SEPTIN9: variants seen among roughly 807,000 people sequenced by gnomAD.
SEPTIN9 encodes septin-9.
Under a neutral mutation model 56.6 loss-of-function variants are expected in SEPTIN9, and 13 were observed. The ratio of observed to expected loss-of-function variants is 0.23; its 90% CI spans 0.15 to 0.37. The LOEUF (loss-of-function observed/expected upper bound fraction) is 0.37. SEPTIN9 is among the 10% of genes least tolerant of loss of function. The probability of loss-of-function intolerance (pLI) is 1.00; values close to 1 mark genes in which losing one functional copy is unlikely to be tolerated. For missense variants in SEPTIN9, 650 were observed against 823.1 expected, an observed-to-expected ratio of 0.79 and a Z score of 2.57; for synonymous variants, 332 against 334.1, an observed-to-expected ratio of 0.99 and a Z score of 0.07.
intron 2 of SEPTIN9, among the ~76,000 whole-genome samples, chr17:77,384,092 G>C (rs103550): frequency 0.68 from 103,459 of 152,088 alleles, 35,284 homozygotes; most frequent in African/African-American, 0.72. Flanking sequence ...GAGGAAGGCG[G>C]CGGCTGCCCT....
Position 77,435,951 on chromosome 17 carries a change from A to T in SEPTIN9, c.721+33248A>T, listed in dbSNP as rs1173923672. Reference sequence around the variant, plus strand: ...AAAACCTTACACCGTTTAGGGCTTGAGGCAGGGCTAGAGCATGGAGACGTT... The same window carrying T: ...AAAACCTTACACCGTTTAGGGCTTGTGGCAGGGCTAGAGCATGGAGACGTT... On this transcript the variant is annotated intron_variant, in intron 3 of 11. Transcript: ENST00000427177. This position sits in a 1 kb window ranked among gnomAD's most constrained non-coding sequence, Gnocchi z 4.5. 6.6e-6 allele frequency among the ~76,000 whole-genome samples: 1 copy of T among 152,234 alleles called. No homozygotes were observed. The highest frequency in any genetic ancestry group is 1.5e-5 in the Non-Finnish European group (1 of 68,048).
intron 3 of SEPTIN9, among the ~76,000 whole-genome samples, chr17:77,480,705 C>T (rs927135283): frequency 5.3e-5 from 8 of 152,210 alleles, no homozygotes; most frequent in East Asian, 1.9e-4. Context: ...GGGTGCCCAC[C>T]GGTCCCAGGG....
chr17:77,309,094 C>T (rs559236359), intron 2 of SEPTIN9, among the ~76,000 whole-genome samples: 50 of 152,360 alleles, frequency 3.3e-4, no homozygotes, highest in African/African-American at 1.2e-3. Flanking sequence ...CATCTCCTTC[C>T]CTCTCATTGG....
intron 2 of SEPTIN9, among the ~76,000 whole-genome samples, chr17:77,381,751 G>A (rs746388496): frequency 2.0e-5 from 3 of 152,218 alleles, no homozygotes; most frequent in Non-Finnish European, 2.9e-5. Context: ...GGATCCACTC[G>A]AGGAGCATTA....
rs370657539 is a variant in SEPTIN9 at position 77,355,937 on chromosome 17, G to A, written c.77-46122G>A. Reference sequence around the variant, plus strand: ...GCGGAGCTTGCAGTGAGCCGAGATCGCGTCACTGCACTCCAGCCTGGGCGA... The same window carrying A: ...GCGGAGCTTGCAGTGAGCCGAGATCACGTCACTGCACTCCAGCCTGGGCGA... On this transcript the variant is annotated intron_variant, in intron 2 of 11. Coordinates refer to ENST00000427177, the MANE Select transcript of SEPTIN9 (RefSeq NM_001113491.2). Among the ~76,000 whole-genome samples, 661 of 139,368 alleles carry A rather than the reference G, an allele frequency of 4.7e-3. 3 individuals carry two copies. The highest frequency in any genetic ancestry group is 0.016 in the African/African-American group (610 of 37,396). 91.4% of individuals were successfully genotyped at this position (139,368 alleles called of 152,430 possible). A position where few individuals can be genotyped will look rare whatever the true frequency, so the allele number is the denominator to read the frequency against.
chr17:77,458,897 A>C (rs1348062399), intron 3 of SEPTIN9, among the ~76,000 whole-genome samples: 3 of 152,226 alleles, frequency 2.0e-5, no homozygotes, highest in Admixed American at 1.3e-4. Flanking sequence ...ACCAGAGCTC[A>C]GGGAGGAGGT....
At chr17:77,428,240 C>T (rs1317173377) in intron 3 of SEPTIN9, among the ~76,000 whole-genome samples, 1 of 152,224 alleles carries the variant, frequency 6.6e-6, no homozygotes, top group East Asian at 1.9e-4. Flanking sequence ...ACTGGCCCTG[C>T]CTTGGACAGA....
chr17:77,320,221 G>A (rs1250821849), intron 2 of SEPTIN9: 1 of 1,609,396 alleles, frequency 6.2e-7, no homozygotes, highest in African/African-American at 1.3e-5. Context: ...AGGAGGAGGA[G>A]GAGGAGGAGG....
chr17:77,308,825 T>C (rs752053802), intron 2 of SEPTIN9, among the ~76,000 whole-genome samples: 5 of 152,138 alleles, frequency 3.3e-5, no homozygotes, highest in African/African-American at 4.8e-5. Context: ...GGGTGGCTTT[T>C]TACAGGGAGT....
chr17:77,375,425 G>A (rs2034885698), intron 2 of SEPTIN9: 1 of 152,262 alleles, frequency 6.6e-6, no homozygotes, highest in Non-Finnish European at 1.5e-5. Context: ...TGGCGGGAGG[G>A]GAGGCCAGGG....
At chr17:77,381,848 T>C (rs921950567) in intron 2 of SEPTIN9, among the ~76,000 whole-genome samples, 1 of 152,052 alleles carries the variant, frequency 6.6e-6, no homozygotes, top group Non-Finnish European at 1.5e-5. Flanking sequence ...CATCCATGGG[T>C]ACCCCAAGGG....
intron 2 of SEPTIN9, among the ~76,000 whole-genome samples, chr17:77,337,371 C>T (rs1050795745): frequency 6.6e-6 from 1 of 152,038 alleles, no homozygotes. Flanking sequence ...TATGAGATAT[C>T]ATCCTTTTTA....
intron 3 of SEPTIN9, among the ~76,000 whole-genome samples, chr17:77,474,821 A>G (rs920607513): frequency 5.9e-5 from 9 of 152,096 alleles, no homozygotes; most frequent in South Asian, 2.1e-4. Flanking sequence ...TGGCTACCTT[A>G]TAGGATTGTG....
intron 3 of SEPTIN9, among the ~76,000 whole-genome samples, chr17:77,461,519 G>A (rs1406952947): frequency 6.6e-6 from 1 of 152,192 alleles, no homozygotes; most frequent in Non-Finnish European, 1.5e-5. Flanking sequence ...GGACGACGCT[G>A]TCCCTGCTCT....
chr17:77,488,367 T>A (rs765314744), intron 6 of SEPTIN9, 46 bp downstream of exon 6: 1 of 1,532,700 alleles, frequency 6.5e-7, no homozygotes, highest in South Asian at 1.1e-5. Flanking sequence ...GCTTCAGGGC[T>A]CCCTGGACCC....
In SEPTIN9 at chr17:77,329,034, G is replaced by A. The variant is rs113967786; in HGVS notation, c.76+21837G>A. Among the ~76,000 whole-genome samples, 1 of 152,234 alleles carries A rather than the reference G, an allele frequency of 6.6e-6. No homozygotes were observed. Among genetic ancestry groups the A allele is most frequent in the Non-Finnish European group, 1.5e-5 (1 of 68,038 alleles). On this transcript the variant is annotated intron_variant, in intron 2 of 11. Coordinates refer to ENST00000427177, the MANE Select transcript of SEPTIN9 (RefSeq NM_001113491.2). The surrounding 1 kb of genome is among the most constrained non-coding windows in gnomAD (Gnocchi z 4.3). ...GGCCCGAGGCTGGAGCCTGGGGAAG[G>A]TGGGAGTGGCTGGAGTGTGTTTTCA...
chr17:77,463,230 T>C (rs534146042), intron 3 of SEPTIN9, among the ~76,000 whole-genome samples: 1 of 152,310 alleles, frequency 6.6e-6, no homozygotes, highest in South Asian at 2.1e-4. Context: ...GCTGAAAATA[T>C]TTACTATGCC....
At chr17:77,490,943 G>A in intron 8 of SEPTIN9, 84 bp downstream of exon 8, 1 of 1,069,870 alleles carries the variant, frequency 9.3e-7, no homozygotes, top group Non-Finnish European at 1.4e-6. Context: ...CCGTCTAAAG[G>A]AGTCACACTG....
At position 77,310,104 on chromosome 17, in the gene SEPTIN9, C is replaced by T. The variant is rs2032432632; in HGVS notation, c.76+2907C>T. ...AGCGATTCTTCTGCCTCAGCCTCCTCAGTAGCCAGGATTACAGGCACCCGC... is the reference window on the plus strand; with the variant it reads ...AGCGATTCTTCTGCCTCAGCCTCCTTAGTAGCCAGGATTACAGGCACCCGC... On this transcript the variant is annotated intron_variant, in intron 2 of 11. Coordinates refer to ENST00000427177, the MANE Select transcript of SEPTIN9 (RefSeq NM_001113491.2). The surrounding 1 kb of genome is among the most constrained non-coding windows in gnomAD (Gnocchi z 4.7). Among the ~76,000 whole-genome samples the T allele has an allele frequency of 1.3e-5, 2 of 152,112 alleles. No individual in the cohort carries two copies. Among genetic ancestry groups the T allele is most frequent in the African/African-American group, 4.8e-5 (2 of 41,414 alleles).
Sources: allele counts gnomAD v4.1 joint callset (sites outside exome capture counted in the v4.1 genomes callset), GRCh38; gene constraint gnomAD v4.1.1; non-coding constraint Gnocchi (gnomAD v3.1); transcripts MANE v1.5; gene names NCBI Gene and HGNC (gene_info 2026-07-23, HGNC 2026-07-21).